Variants in STK39 observed in about 807,000 individuals in gnomAD.
The protein encoded by STK39 is serine/threonine kinase 39.
STK39 carries 20 observed loss-of-function variants against 77.8 expected under a neutral mutation model. That is an observed-to-expected ratio of 0.26 (90% CI 0.18 to 0.37). The LOEUF (loss-of-function observed/expected upper bound fraction) is 0.37, where lower values mean the gene tolerates loss of function less well. STK39 is among the 10% of genes least tolerant of loss of function. The probability of loss-of-function intolerance (pLI) is 1.00; values close to 1 mark genes in which losing one functional copy is unlikely to be tolerated. For missense variants in STK39, 479 were observed against 656.5 expected (o/e 0.73, Z 2.95); for synonymous variants, 246 against 234.1 (o/e 1.05, Z -0.47).
chr2:167,966,507 A>T (rs1234911254), intron 16 of STK39, among the ~76,000 whole-genome samples: 4 of 152,188 alleles, frequency 2.6e-5, no homozygotes, highest in Non-Finnish European at 4.4e-5. Context: ...GTTAATGTGG[A>T]TGATTTACTG....
At chr2:167,988,237 C>G (rs1683608528) in intron 16 of STK39, among the ~76,000 whole-genome samples, 1 of 152,150 alleles carries the variant, frequency 6.6e-6, no homozygotes, top group African/African-American at 2.4e-5. Context: ...GTCCCCTCCC[C>G]TATATCAGAC....
At chr2:168,141,867 T>A (rs1438594978) in intron 5 of STK39, among the ~76,000 whole-genome samples, 1 of 152,250 alleles carries the variant, frequency 6.6e-6, no homozygotes, top group Non-Finnish European at 1.5e-5. Context: ...GCTGTAGGCC[T>A]ATAAGGTTAG....
chr2:168,088,721 C>T (rs544019902), intron 10 of STK39, among the ~76,000 whole-genome samples: 14 of 152,286 alleles, frequency 9.2e-5, no homozygotes, highest in African/African-American at 3.4e-4. Flanking sequence ...CACACATACA[C>T]ATTTCTAGAT....
At chr2:167,981,724 C>T (rs1431474554) in intron 16 of STK39, among the ~76,000 whole-genome samples, 1 of 152,180 alleles carries the variant, frequency 6.6e-6, no homozygotes, top group East Asian at 1.9e-4. Context: ...CTTTGTACCT[C>T]CAGCTTCAAA....
chr2:168,202,096 C>T (rs936538331), intron 1 of STK39, among the ~76,000 whole-genome samples: 6 of 152,164 alleles, frequency 3.9e-5, no homozygotes, highest in African/African-American at 1.4e-4. Flanking sequence ...CAGGATTTCT[C>T]CAAGTGTTAT....
At chr2:168,194,864 C>T (rs1047763434) in intron 1 of STK39, among the ~76,000 whole-genome samples, 1 of 152,110 alleles carries the variant, frequency 6.6e-6, no homozygotes, top group African/African-American at 2.4e-5. Context: ...GAAAGAAAAC[C>T]ATTACAAGTA....
intron 14 of STK39, among the ~76,000 whole-genome samples, chr2:168,047,167 C>G (rs548253615): frequency 6.6e-6 from 1 of 152,256 alleles, no homozygotes; most frequent in South Asian, 2.1e-4. Flanking sequence ...AAAAAAGATT[C>G]TTCTTAGCTA....
chr2:168,223,045 A>G (rs1690214867), intron 1 of STK39, among the ~76,000 whole-genome samples: 1 of 152,188 alleles, frequency 6.6e-6, no homozygotes, highest in Non-Finnish European at 1.5e-5. Flanking sequence ...CAAGGCCAAT[A>G]TGATGGTCCA....
chr2:167,995,908 G>A (rs2105289592), intron 16 of STK39, among the ~76,000 whole-genome samples: 1 of 152,224 alleles, frequency 6.6e-6, no homozygotes, highest in South Asian at 2.1e-4. Context: ...TTCATGTCCT[G>A]CAGCCCATGC....
chr2:168,049,912 G>A (rs948879554), intron 14 of STK39, among the ~76,000 whole-genome samples: 9 of 152,170 alleles, frequency 5.9e-5, no homozygotes, highest in Admixed American at 3.3e-4. Flanking sequence ...CTGGGTGTCC[G>A]ATTCTAAAGG....
rs1553465763 is a variant in STK39 at position 168,247,544 on chromosome 2, C to CCGCCGCCGCCG, written c.-110_-109insCGGCGGCGGCG. 3 of 478,040 alleles carry CCGCCGCCGCCG rather than the reference C, an allele frequency of 6.3e-6. No homozygotes were observed. Among genetic ancestry groups the CCGCCGCCGCCG allele is most frequent in the South Asian group, 5.3e-5 (1 of 19,034 alleles). 29.6% of individuals were successfully genotyped at this position (478,040 alleles called of 1,614,324 possible). A position where few individuals can be genotyped will look rare whatever the true frequency, so the allele number is the denominator to read the frequency against. Reference sequence around the variant, plus strand: ...TCTCGGCCGGCGCACGCCCTCCCCGCCCGCCGCCGCCGCCGCCGTCCCCGC... The same window carrying CCGCCGCCGCCG: ...TCTCGGCCGGCGCACGCCCTCCCCGCCGCCGCCGCCGCCGCCGCCGCCGCCGCCGTCCCCGC... On this transcript the variant is annotated 5_prime_UTR_variant, in exon 1 of 18. Transcript: ENST00000355999.
intron 1 of STK39, among the ~76,000 whole-genome samples, chr2:168,185,474 A>G (rs1212617875): frequency 6.6e-6 from 1 of 152,194 alleles, no homozygotes; most frequent in Admixed American, 6.5e-5. Flanking sequence ...CATTACCATG[A>G]TGCAGATTTT....
chr2:168,229,413 C>T (rs1050515507), intron 1 of STK39, among the ~76,000 whole-genome samples: 1 of 150,338 alleles, frequency 6.7e-6, no homozygotes, highest in African/African-American at 2.4e-5. Context: ...AAAGGTATAA[C>T]AGTACATCTC....
intron 1 of STK39, among the ~76,000 whole-genome samples, chr2:168,199,519 C>T (rs1300359643): frequency 2.6e-5 from 4 of 151,074 alleles, no homozygotes; most frequent in African/African-American, 9.8e-5. Context: ...AAATGGTAAT[C>T]CTGCATTTTA....
intron 17 of STK39, chr2:167,964,427 T>C (rs1458432965): frequency 8.9e-6 from 4 of 449,434 alleles, no homozygotes; most frequent in Non-Finnish European, 1.6e-5. Context: ...TGGCCGCTCT[T>C]AGTCAAAGGT....
At chr2:168,024,860 G>A (rs900688231) in intron 14 of STK39, among the ~76,000 whole-genome samples, 3 of 152,148 alleles carry the variant, frequency 2.0e-5, no homozygotes, top group Non-Finnish European at 4.4e-5. Flanking sequence ...ATAAAGAATA[G>A]ATCCAAAATC....
At chr2:168,202,072 G>A (rs771759063) in intron 1 of STK39, among the ~76,000 whole-genome samples, 1 of 152,146 alleles carries the variant, frequency 6.6e-6, no homozygotes, top group Non-Finnish European at 1.5e-5. Context: ...ATGCTCACCT[G>A]GTTGCCATAA....
rs115868507 is a variant in STK39 at position 167,986,300 on chromosome 2, A to G, written c.1499-21574T>C. ...CTGCAGTGAGGATGTACTGGGCTCT[A>G]AGGACTAGAGGGGAATTAAATCATG... On this transcript the variant is annotated intron_variant, in intron 16 of 17. Transcript: ENST00000355999. Among the ~76,000 whole-genome samples, 1,445 of 152,174 alleles carry G rather than the reference A, an allele frequency of 9.5e-3. 33 individuals carry two copies. The highest frequency in any genetic ancestry group is 0.033 in the African/African-American group (1,376 of 41,572).
At chr2:167,993,360 T>C (rs529201775) in intron 16 of STK39, among the ~76,000 whole-genome samples, 2 of 152,316 alleles carry the variant, frequency 1.3e-5, no homozygotes, top group Admixed American at 6.5e-5. Flanking sequence ...TTGCTCCTTA[T>C]TAAGAATCAC....
Sources: gnomAD v4.1 joint callset for allele counts (sites outside exome capture counted in the v4.1 genomes callset) on GRCh38, gnomAD v4.1.1 for gene constraint, MANE v1.5 for transcripts, NCBI Gene and HGNC (gene_info 2026-07-23, HGNC 2026-07-21) for gene names.